TNRC6B: variants seen among roughly 807,000 people sequenced by gnomAD.
TNRC6B encodes the protein trinucleotide repeat-containing gene 6B protein.
TNRC6B carries 52 observed loss-of-function variants against 203.6 expected under a neutral mutation model. That is an observed-to-expected ratio of 0.26 (90% CI 0.20 to 0.32). TNRC6B has a LOEUF of 0.32. TNRC6B is among the 10% of genes least tolerant of loss of function. The probability of loss-of-function intolerance (pLI) is 1.00; values close to 1 mark genes in which losing one functional copy is unlikely to be tolerated. For synonymous variants in TNRC6B, 838 were observed against 845.7 expected, an observed-to-expected ratio of 0.99 and a Z score of 0.16; for missense variants, 1,923 against 2,286.2, an observed-to-expected ratio of 0.84 and a Z score of 3.24.
At chr22:40,140,208 A>T (rs1394016985) in intron 3 of TNRC6B, among the ~76,000 whole-genome samples, 1 of 152,026 alleles carries the variant, frequency 6.6e-6, no homozygotes, top group African/African-American at 2.4e-5. Context: ...TGTCCAGACA[A>T]TGTGATTGAC....
intron 3 of TNRC6B, among the ~76,000 whole-genome samples, chr22:40,150,397 C>T (rs1413867998): frequency 2.0e-5 from 3 of 151,840 alleles, no homozygotes; most frequent in East Asian, 3.9e-4. Context: ...TATATTTTTA[C>T]GAAATGATTT....
At chr22:40,088,877 C>A (rs1243549693) in intron 1 of TNRC6B, among the ~76,000 whole-genome samples, 1 of 152,052 alleles carries the variant, frequency 6.6e-6, no homozygotes, top group Non-Finnish European at 1.5e-5. Flanking sequence ...TGGTTGATAG[C>A]TTTTTTAAAT....
intron 3 of TNRC6B, among the ~76,000 whole-genome samples, chr22:40,133,618 G>A (rs1457619369): frequency 6.6e-6 from 1 of 152,160 alleles, no homozygotes; most frequent in Non-Finnish European, 1.5e-5. Flanking sequence ...TTGGTTTGTT[G>A]TTGAATGGGT....
chr22:40,144,500 C>G (rs542839581), intron 3 of TNRC6B, among the ~76,000 whole-genome samples: 2 of 151,672 alleles, frequency 1.3e-5, no homozygotes, highest in African/African-American at 4.8e-5. Context: ...ATGGTGAAAC[C>G]CTGTCTCTAC....
intron 1 of TNRC6B, among the ~76,000 whole-genome samples, chr22:40,053,486 A>G (rs1225000552): frequency 6.6e-6 from 1 of 151,972 alleles, no homozygotes; most frequent in Non-Finnish European, 1.5e-5. Flanking sequence ...ATGGAAAAAA[A>G]AATACCCCTT....
At chr22:40,300,630 T>C (rs77607132) in intron 13 of TNRC6B, 44 bp downstream of exon 13, 1 of 1,113,392 alleles carries the variant, frequency 9.0e-7, no homozygotes. Flanking sequence ...GGTCATTTGC[T>C]TTTTTTTTTT....
Position 40,323,310 on chromosome 22 carries a change from GT to G in TNRC6B, c.*79del, listed in dbSNP as rs1007465363. 454 of 1,291,782 alleles carry G rather than the reference GT, an allele frequency of 3.5e-4. No homozygotes were observed. The highest frequency in any genetic ancestry group is 3.3e-3 in the East Asian group (117 of 34,984). The allele number at this position is 1,291,782 out of a possible 1,614,324, so 80.0% of individuals were successfully genotyped here. Reference sequence around the variant, plus strand: ...GCAGCAGCACTAACTTGACCTTTTCGTTTTTTTTTTCAACTTGCAATAAATA... The same window carrying G: ...GCAGCAGCACTAACTTGACCTTTTCGTTTTTTTTTCAACTTGCAATAAATA... On this transcript the variant is annotated 3_prime_UTR_variant, in exon 23 of 23. Transcript: ENST00000454349.
At chr22:40,175,028 G>A (rs1444375961), upstream of TNRC6B, among the ~76,000 whole-genome samples, 2 of 151,950 alleles carry the variant, frequency 1.3e-5, no homozygotes, top group Non-Finnish European at 2.9e-5. Context: ...TAAATTTAGA[G>A]GTATTGCATA....
intron 2 of TNRC6B, among the ~76,000 whole-genome samples, chr22:40,121,805 AG>A (rs914479467): frequency 6.6e-6 from 1 of 152,278 alleles, no homozygotes; most frequent in Non-Finnish European, 1.5e-5. Context: ...CTATAGAAAC[AG>A]CCACTTACGT....
intron 1 of TNRC6B, among the ~76,000 whole-genome samples, chr22:40,189,805 G>T (rs765137762): frequency 6.6e-6 from 1 of 152,096 alleles, no homozygotes; most frequent in African/African-American, 2.4e-5. Flanking sequence ...TCAGGGAACT[G>T]TAAGGTTGAA....
intron 1 of TNRC6B, among the ~76,000 whole-genome samples, chr22:40,215,995 C>A (rs895901845): frequency 6.6e-6 from 1 of 152,220 alleles, no homozygotes; most frequent in Non-Finnish European, 1.5e-5. Context: ...GAAGAAAATT[C>A]TTGCAGGGAC....
At chr22:40,130,296 G>A (rs1247404062) in intron 3 of TNRC6B, among the ~76,000 whole-genome samples, 1 of 152,190 alleles carries the variant, frequency 6.6e-6, no homozygotes, top group African/African-American at 2.4e-5. Flanking sequence ...TTTAATGGCG[G>A]AGGGAGTTTT....
chr22:40,227,235 G>A (rs1428191993), intron 1 of TNRC6B, among the ~76,000 whole-genome samples: 2 of 149,116 alleles, frequency 1.3e-5, no homozygotes, highest in Non-Finnish European at 3.0e-5. Context: ...CTAATTTTTT[G>A]TATTTTTAGT....
At chr22:40,047,431 G>A (rs2067699996) in intron 1 of TNRC6B, among the ~76,000 whole-genome samples, 1 of 140,750 alleles carries the variant, frequency 7.1e-6, no homozygotes, top group East Asian at 1.9e-4. Context: ...GTGAAACCCC[G>A]TCTCTACTAA....
At chr22:40,086,585 A>G (rs1236844829) in intron 1 of TNRC6B, among the ~76,000 whole-genome samples, 2 of 152,196 alleles carry the variant, frequency 1.3e-5, no homozygotes, top group African/African-American at 4.8e-5. Flanking sequence ...AGGAAAGGAT[A>G]TATGGAGGCA....
At chr22:40,079,940 C>T (rs1027231087) in intron 1 of TNRC6B, among the ~76,000 whole-genome samples, 5 of 152,088 alleles carry the variant, frequency 3.3e-5, no homozygotes, top group East Asian at 3.8e-4. Context: ...GGACTACAGG[C>T]GCCTGCCACC....
At chr22:40,105,305 C>T (rs2068274038) in intron 1 of TNRC6B, among the ~76,000 whole-genome samples, 1 of 152,118 alleles carries the variant, frequency 6.6e-6, no homozygotes, top group Non-Finnish European at 1.5e-5. Flanking sequence ...ATATATCACA[C>T]AATCAGAAAA....
chr22:40,062,237 G>A (rs1414214093), intron 1 of TNRC6B, among the ~76,000 whole-genome samples: 1 of 152,002 alleles, frequency 6.6e-6, no homozygotes, highest in Admixed American at 6.5e-5. Context: ...GTCTCACTCT[G>A]TTGCCCAGGC....
intron 1 of TNRC6B, among the ~76,000 whole-genome samples, chr22:40,111,104 T>G (rs776771068): frequency 6.6e-5 from 10 of 151,692 alleles, no homozygotes; most frequent in Non-Finnish European, 1.3e-4. Flanking sequence ...GAAGAGGGAG[T>G]CAGGAAAGAC....
Sources: allele counts gnomAD v4.1 joint callset (sites outside exome capture counted in the v4.1 genomes callset), GRCh38; gene constraint gnomAD v4.1.1; transcripts MANE v1.5; gene names NCBI Gene and HGNC (gene_info 2026-07-23, HGNC 2026-07-21).